The following FBF1 variants were observed in gnomAD, a reference collection of about 807,000 sequenced individuals.
FBF1 encodes fas-binding factor 1.
In FBF1, 119 loss-of-function variants were observed where a neutral mutation model predicts 147.2. That is an observed-to-expected ratio of 0.81 (90% CI 0.70 to 0.94). The LOEUF (loss-of-function observed/expected upper bound fraction) is 0.94. FBF1 is among the 40% of genes least tolerant of loss of function. FBF1 has a pLI of 0.00. For missense variants in FBF1, 1,449 were observed against 1,500.8 expected (o/e 0.97, Z 0.57); for synonymous variants, 601 against 609.0 (o/e 0.99, Z 0.19).
chr17:75,921,222 A>G (rs1156436694), intron 17 of FBF1, 22 bp downstream of exon 17: 3 of 1,571,212 alleles, frequency 1.9e-6, no homozygotes, highest in South Asian at 1.2e-5. Context: ...CCTGAGCTAG[A>G]CCTGTCTGCC....
Position 75,922,971 on chromosome 17 carries a change from T to C in FBF1, c.1424+215A>G, listed in dbSNP as rs779891105. ...GCATGAATGTCAACAGCCCTCCTTC[T>C]TGGGTATGTCCCTGGGGCAAGCCTG... On this transcript the variant is annotated intron_variant, in intron 14 of 29. Transcript: ENST00000636174. The surrounding 1 kb of genome is among the most constrained non-coding windows in gnomAD (Gnocchi z 5.0). Among the ~76,000 whole-genome samples the C allele has an allele frequency of 2.0e-5, 3 of 152,150 alleles. No homozygotes were observed. Among genetic ancestry groups the C allele is most frequent in the Non-Finnish European group, 4.4e-5 (3 of 68,010 alleles).
Position 75,928,142 on chromosome 17 carries a change from C to T in FBF1, c.331G>A (p.Ala111Thr), listed in dbSNP as rs2065573571. 2 of 1,613,676 alleles carry T rather than the reference C, an allele frequency of 1.2e-6. No individual in the cohort carries two copies. Among genetic ancestry groups the T allele is most frequent in the African/African-American group, 1.3e-5 (1 of 74,886 alleles). The change falls in exon 8 of 30, where the codon GCC (alanine) becomes ACC (threonine). Residue 111 changes from alanine to threonine, a missense_variant. Ala to Thr is a moderately conservative substitution (Grantham distance 58). Transcript: ENST00000636174. The surrounding 1 kb of genome is among the most constrained non-coding windows in gnomAD (Gnocchi z 4.2). Reference protein sequence around the residue: ...DILGLKKSNSAPSKKAAKDPG... With the variant: ...DILGLKKSNSTPSKKAAKDPG... ...TCCTTTGCAGCTTTTTTGCTAGGGG[C>T]TGAATTAGATTTCTTCAGACCTAAG...
chr17:75,917,206 C>G (rs1168354122), intron 23 of FBF1, among the ~76,000 whole-genome samples: 2 of 152,240 alleles, frequency 1.3e-5, no homozygotes. Context: ...TTAAGTGATC[C>G]TGCTGCCTCA....
intron 27 of FBF1, 33 bp downstream of exon 27, chr17:75,913,880 G>A: frequency 6.4e-7 from 1 of 1,552,746 alleles, no homozygotes; most frequent in South Asian, 1.2e-5. Flanking sequence ...GGGGTGCCGG[G>A]GGCAGGGGCG....
In FBF1 at chr17:75,923,742, C is replaced by T. The variant is rs1226837868; in HGVS notation, c.969-101G>A. 13 of 1,224,392 alleles carry T rather than the reference C, an allele frequency of 1.1e-5. No homozygotes were observed. In the East Asian group the frequency reaches 3.1e-4, roughly 29 times the overall value. The allele number at this position is 1,224,392 out of a possible 1,614,324, so 75.8% of individuals were successfully genotyped here. On this transcript the variant is annotated intron_variant, in intron 13 of 29. Coordinates refer to ENST00000636174, the MANE Select transcript of FBF1 (RefSeq NM_001319193.2). This position sits in a 1 kb window ranked among gnomAD's most constrained non-coding sequence, Gnocchi z 4.1. The stretch of plus-strand genomic sequence containing the variant: ...CGTCACGATGCCCAGGGACCCTGCA[C>T]AGTCAGCTGAGGCCCAGTGAGCAGT...
intron 1 of FBF1, among the ~76,000 whole-genome samples, chr17:75,940,444 G>A (rs1460466032): frequency 1.3e-5 from 2 of 151,852 alleles, no homozygotes; most frequent in African/African-American, 2.4e-5. Flanking sequence ...TTGTAGAGAC[G>A]GGGGTCTCCC....
Position 75,917,862 on chromosome 17 carries a change from C to T in FBF1, c.2387-12G>A. ...CCGCTCCTGCAGTGCTGGGGGCAAC[C>T]CACAGGGTGCTCAGCAGCTGCTCCC... is the stretch of plus-strand genomic sequence containing the variant. On this transcript the variant is annotated splice_polypyrimidine_tract_variant and intron_variant, in intron 22 of 29. Coordinates refer to ENST00000636174, the MANE Select transcript of FBF1 (RefSeq NM_001319193.2). 1 of 1,586,632 alleles carries T rather than the reference C, an allele frequency of 6.3e-7. No homozygotes were observed. The highest frequency in any genetic ancestry group is 8.5e-7 in the Non-Finnish European group (1 of 1,170,842).
chr17:75,936,505 C>G (rs191493320), intron 3 of FBF1, among the ~76,000 whole-genome samples: 1 of 151,082 alleles, frequency 6.6e-6, no homozygotes, highest in African/African-American at 2.4e-5. Flanking sequence ...AACAAACAAA[C>G]AAACAAAACC....
chr17:75,910,616 C>T lies in FBF1; in HGVS notation c.*107G>A. ...CCACGGAAGAGCTGTCATCAGGCCT[C>T]AAGCATCTCAGAATCCTCCCCAGGC... On this transcript the variant is annotated 3_prime_UTR_variant, in exon 30 of 30. Transcript: ENST00000636174. This position sits in a 1 kb window ranked among gnomAD's most constrained non-coding sequence, Gnocchi z 4.1. The T allele has an allele frequency of 1.0e-6, 1 of 961,308 alleles. No homozygotes were observed. The highest frequency in any genetic ancestry group is 1.5e-5 in the South Asian group (1 of 66,522). The allele number at this position is 961,308 out of a possible 1,614,324, so 59.5% of individuals were successfully genotyped here.
chr17:75,920,059 T>C lies in FBF1; in HGVS notation c.1879A>G (p.Ser627Gly). ...ERAQHELLLGSLQQQHQADLE... is the reference protein window; with the variant it reads ...ERAQHELLLGGLQQQHQADLE... ...TCTGCCTGGTGCTGCTGCTGCAGAC[T>C]CCCCAGCAGCAGCTCATGCTGGGCC... The change falls in exon 19 of 30, where the codon AGT becomes GGT. Residue 627 changes from serine (S) to glycine (G), a missense_variant. Physicochemically the swap from Ser to Gly is moderately conservative, Grantham distance 56. Transcript: ENST00000636174. 1 of 1,600,488 alleles carries C rather than the reference T, an allele frequency of 6.2e-7. No homozygotes were observed. The highest frequency in any genetic ancestry group is 8.5e-7 in the Non-Finnish European group (1 of 1,174,126).
intron 8 of FBF1, 108 bp downstream of exon 8, chr17:75,927,968 C>A: frequency 1.2e-6 from 1 of 868,704 alleles, no homozygotes; most frequent in Non-Finnish European, 1.8e-6. Context: ...GCAGAGAAAA[C>A]CCAAGGACAT....
Position 75,921,906 on chromosome 17 carries a change from C to G in FBF1, c.1526+39G>C, listed in dbSNP as rs1598155887. 2.7e-6 allele frequency: 4 copies of G among 1,505,492 alleles called. No homozygotes were observed. In the East Asian group the frequency reaches 9.8e-5, roughly 37 times the overall value. The allele number at this position is 1,505,492 out of a possible 1,614,324, so 93.3% of individuals were successfully genotyped here. On this transcript the variant is annotated intron_variant, in intron 15 of 29. Coordinates refer to ENST00000636174, the MANE Select transcript of FBF1 (RefSeq NM_001319193.2). Reference sequence around the variant, plus strand: ...CAGGACAGAGGCCTGTGCTGCCCACCATGCTCTCATTCCCACTCAGCCCGC... The same window carrying G: ...CAGGACAGAGGCCTGTGCTGCCCACGATGCTCTCATTCCCACTCAGCCCGC...
At position 75,925,208 on chromosome 17, in the gene FBF1, C is replaced by T. The variant is rs1248933535; in HGVS notation, c.968+139G>A. On this transcript the variant is annotated intron_variant, in intron 13 of 29. Transcript: ENST00000636174. The surrounding 1 kb of genome is among the most constrained non-coding windows in gnomAD (Gnocchi z 5.0). ...CCAGGCCATCTCCCGCTTCCTTCAG[C>T]ACCTGCAGAGCTGAGGGCCTTGTAC... The T allele has an allele frequency of 1.7e-6, 1 of 587,122 alleles. No individual in the cohort carries two copies. The highest frequency in any genetic ancestry group is 2.9e-6 in the Non-Finnish European group (1 of 343,080). The allele number at this position is 587,122 out of a possible 1,614,324, so 36.4% of individuals were successfully genotyped here. A position where few individuals can be genotyped will look rare whatever the true frequency, so the allele number is the denominator to read the frequency against.
At chr17:75,937,367 T>C (rs2065631379) in intron 3 of FBF1, among the ~76,000 whole-genome samples, 199 bp downstream of exon 3, 5 of 152,088 alleles carry the variant, frequency 3.3e-5, no homozygotes, top group Admixed American at 3.3e-4. Flanking sequence ...AGACGGGGTT[T>C]CATCGTGTTA....
intron 27 of FBF1, 35 bp from the exon 28 acceptor site, chr17:75,913,854 G>C: frequency 6.3e-7 from 1 of 1,576,490 alleles, no homozygotes; most frequent in Non-Finnish European, 8.6e-7. Context: ...GGACTCAGCT[G>C]TGAGGTGGGA....
intron 26 of FBF1, 33 bp downstream of exon 26, chr17:75,914,089 A>C: frequency 6.3e-7 from 1 of 1,593,602 alleles, no homozygotes; most frequent in Non-Finnish European, 8.5e-7. Flanking sequence ...GCCTGGGCTC[A>C]GATGCGCCCA....
chr17:75,926,373 ATTC>A lies in FBF1; in HGVS notation c.646_648del (p.Glu216del), dbSNP rs1348612537. 9.9e-6 allele frequency: 16 copies of A among 1,609,356 alleles called. No homozygotes were observed. The highest frequency in any genetic ancestry group is 2.2e-5 in the South Asian group (2 of 90,260). On this transcript the variant is annotated inframe_deletion, in exon 11 of 30. Coordinates refer to ENST00000636174, the MANE Select transcript of FBF1 (RefSeq NM_001319193.2). ...ATGTCATCCCCATCATCAAACAACA[ATTC>A]TTCTTTTTTTCGGATGGGGGTGTCC...
rs1268907251 is a variant in FBF1, at chr17:75,927,437, G to C, written c.475+18C>G. ...CCAAACCAGAGTGTCCCAGAGGCAT[G>C]ACAGGAGCCTATGGTACCTTCAGAG... On this transcript the variant is annotated intron_variant, in intron 9 of 29. Coordinates refer to ENST00000636174, the MANE Select transcript of FBF1 (RefSeq NM_001319193.2). The C allele has an allele frequency of 5.1e-6, 8 of 1,569,792 alleles. No homozygotes were observed. Among genetic ancestry groups the C allele is most frequent in the Non-Finnish European group, 6.9e-6 (8 of 1,156,706 alleles).
Position 75,915,144 on chromosome 17 carries a change from A to C in FBF1, c.2506-5T>G, listed in dbSNP as rs1567857874. Reference sequence around the variant, plus strand: ...GGCAGTCACCCGCCAGCGTTCCTGTAGGGCCCAGGGCAGGACTGAGAGCGT... The same window carrying C: ...GGCAGTCACCCGCCAGCGTTCCTGTCGGGCCCAGGGCAGGACTGAGAGCGT... On this transcript the variant is annotated splice_polypyrimidine_tract_variant and splice_region_variant and intron_variant, in intron 23 of 29. Coordinates refer to ENST00000636174, the MANE Select transcript of FBF1 (RefSeq NM_001319193.2). The C allele has an allele frequency of 1.2e-6, 2 of 1,607,446 alleles. No homozygotes were observed. The highest frequency in any genetic ancestry group is 4.5e-5 in the East Asian group (2 of 44,856).
Sources: gnomAD v4.1 joint callset for allele counts (sites outside exome capture counted in the v4.1 genomes callset) on GRCh38, gnomAD v4.1.1 for gene constraint, Gnocchi (gnomAD v3.1) non-coding constraint, MANE v1.5 for transcripts, NCBI Gene and HGNC (gene_info 2026-07-23, HGNC 2026-07-21) for gene names.